RBM4B: variants seen among roughly 807,000 people sequenced by gnomAD.
RBM4B encodes the protein RNA-binding protein 4B.
Under a neutral mutation model 28.5 loss-of-function variants are expected in RBM4B, and 13 were observed. That is an observed-to-expected ratio of 0.46 (90% CI 0.30 to 0.72). The LOEUF (loss-of-function observed/expected upper bound fraction) is 0.72. RBM4B is among the 30% of genes least tolerant of loss of function. The pLI, the probability that RBM4B is intolerant of heterozygous loss-of-function variation, is 0.09. For synonymous variants in RBM4B, 167 were observed against 179.1 expected (o/e 0.93, Z 0.54); for missense variants, 387 against 477.6 (o/e 0.81, Z 1.77).
chr11:66,670,881 T>G, intron 2 of RBM4B: 2 of 702,262 alleles, frequency 2.8e-6, no homozygotes, highest in Non-Finnish European at 5.2e-6. Flanking sequence ...TCTTAAGGAC[T>G]GCTGAGAACA....
At position 66,665,456 on chromosome 11, in the gene RBM4B, G is replaced by C. The variant is rs1939190256; in HGVS notation, c.*132C>G. On this transcript the variant is annotated 3_prime_UTR_variant, in exon 4 of 4. Transcript: ENST00000310046. The stretch of plus-strand genomic sequence containing the variant: ...AAGAATTAAGAAAGAAAACATAGTT[G>C]GTCACAAACTCCTTTTGTTTACTGA... The C allele has an allele frequency of 1.3e-6, 1 of 751,490 alleles. No individual in the cohort carries two copies. The highest frequency in any genetic ancestry group is 1.8e-5 in the African/African-American group (1 of 57,132). 46.6% of individuals were successfully genotyped at this position (751,490 alleles called of 1,614,324 possible). A position where few individuals can be genotyped will look rare whatever the true frequency, so the allele number is the denominator to read the frequency against.
rs1473396220 is a variant in RBM4B at position 66,668,708 on chromosome 11, G to A, written c.996C>T (p.Ser332=). The change falls in exon 3 of 4, where the codon TCC becomes TCT. Residue 332 remains serine, a synonymous_variant. Transcript: ENST00000310046. ...CATACAGAGAATTCCGTGTAGCTGC[G>A]GAAGCCTGAGATAATTCACTCTCTG... ...YGPESELSQA[S]AATRNSLYDM... 19 of 1,614,010 alleles carry A rather than the reference G, an allele frequency of 1.2e-5. No individual in the cohort carries two copies. The highest frequency in any genetic ancestry group is 1.1e-4 in the African/African-American group (8 of 74,892).
At chr11:66,666,311 T>G in intron 3 of RBM4B, 17 of 1,062,942 alleles carry the variant, frequency 1.6e-5, no homozygotes, top group Non-Finnish European at 1.9e-5. Flanking sequence ...GGGCCAAATC[T>G]TGGTCTTGAT....
rs992350000 is a variant in RBM4B at position 66,665,030 on chromosome 11, A to T, written c.*558T>A. 3 of 152,396 alleles carry T rather than the reference A, an allele frequency of 2.0e-5. No individual in the cohort carries two copies. The highest frequency in any genetic ancestry group is 4.8e-5 in the African/African-American group (2 of 41,454). 9.4% of individuals were successfully genotyped at this position (152,396 alleles called of 1,614,324 possible). ...GTTAGAAACATTTATTTGTCAAAAA[A>T]TTTTTTTAAAAAAGGGAGGAGTGGA... On this transcript the variant is annotated 3_prime_UTR_variant, in exon 4 of 4. Transcript: ENST00000310046.
Position 66,665,292 on chromosome 11 carries a change from GA to G in RBM4B, c.*295del, listed in dbSNP as rs1939184746. 2.2e-6 allele frequency: 1 copy of G among 451,446 alleles called. No homozygotes were observed. The highest frequency in any genetic ancestry group is 3.9e-5 in the Admixed American group (1 of 25,648). The allele number at this position is 451,446 out of a possible 1,614,324, so 28.0% of individuals were successfully genotyped here. ...AGGATTCAACTCCTAGGGAAAGCAA[GA>G]TAAGAGGGGTTCCACTGCACAGGAA... On this transcript the variant is annotated 3_prime_UTR_variant, in exon 4 of 4. Coordinates refer to ENST00000310046, the MANE Select transcript of RBM4B (RefSeq NM_031492.4).
chr11:66,676,966 G>A lies in RBM4B; in HGVS notation c.114C>T (p.Gly38=). 1 of 1,614,150 alleles carries A rather than the reference G, an allele frequency of 6.2e-7. No individual in the cohort carries two copies. Among genetic ancestry groups the A allele is most frequent in the Non-Finnish European group, 8.5e-7 (1 of 1,180,036 alleles). ...CCGTCTTGTCTTCTATGTGCACAAA[G>A]CCGTAATTCTTAATGATGTCACATT... ...VLECDIIKNY[G]FVHIEDKTAA... Residue 38 remains glycine (G), a synonymous_variant, in exon 2 of 4, where the codon GGC becomes GGT. Transcript: ENST00000310046.
chr11:66,676,586 AG>A (rs1175632092), intron 2 of RBM4B, 81 bp downstream of exon 2: 1 of 1,474,662 alleles, frequency 6.8e-7, no homozygotes, highest in South Asian at 1.2e-5. Flanking sequence ...GAGACCACCC[AG>A]CAAGTTCTAT....
At chr11:66,674,287 G>GA (rs1223662659) in intron 2 of RBM4B, among the ~76,000 whole-genome samples, 2 of 145,234 alleles carry the variant, frequency 1.4e-5, no homozygotes, top group Non-Finnish European at 1.5e-5. Context: ...ACAGTGGCAT[G>GA]ATCTCGGCTC....
intron 3 of RBM4B, chr11:66,666,096 A>G: frequency 1.1e-6 from 1 of 872,134 alleles, no homozygotes; most frequent in Non-Finnish European, 1.7e-6. Context: ...ACCCAATTCC[A>G]ACACACCTAC....
At chr11:66,671,680 A>G (rs1939465883) in intron 2 of RBM4B, among the ~76,000 whole-genome samples, 1 of 152,162 alleles carries the variant, frequency 6.6e-6, no homozygotes, top group Non-Finnish European at 1.5e-5. Context: ...AATCAAGTTT[A>G]TCTGTGGTAA....
intron 3 of RBM4B, chr11:66,667,259 C>G (rs779751858): frequency 1.3e-5 from 2 of 152,198 alleles, no homozygotes; most frequent in Non-Finnish European, 2.9e-5. Flanking sequence ...TCTTTAGATA[C>G]TCAAAATTAT....
chr11:66,676,648 C>T lies in RBM4B; in HGVS notation c.412+20G>A, dbSNP rs771001827. The T allele has an allele frequency of 1.2e-6, 2 of 1,612,522 alleles. No individual in the cohort carries two copies. The highest frequency in any genetic ancestry group is 1.7e-6 in the Non-Finnish European group (2 of 1,178,744). ...GCTAGACCCCACTCGGCGCTACTAC[C>T]CAGGCCCAGAGCAGTTCACCTTGAA... On this transcript the variant is annotated intron_variant, in intron 2 of 3. Transcript: ENST00000310046.
chr11:66,665,869 T>C, intron 3 of RBM4B: 1 of 1,533,276 alleles, frequency 6.5e-7, no homozygotes, highest in Non-Finnish European at 8.7e-7. Context: ...AGATAACCCC[T>C]GTGACAGAAG....
intron 3 of RBM4B, chr11:66,665,779 CTA>C: frequency 3.0e-6 from 4 of 1,348,018 alleles, no homozygotes; most frequent in Non-Finnish European, 4.0e-6. Flanking sequence ...CCACTTATGG[CTA>C]TATATATAGG....
chr11:66,677,025 G>C lies in RBM4B; in HGVS notation c.55C>G (p.Arg19Gly), dbSNP rs1395429983. 1 of 1,613,974 alleles carries C rather than the reference G, an allele frequency of 6.2e-7. No individual in the cohort carries two copies. The highest frequency in any genetic ancestry group is 1.3e-5 in the African/African-American group (1 of 74,884). Residue 19 changes from arginine (R) to glycine (G), a missense_variant, in exon 2 of 4, where the codon CGC (arginine) becomes GGC (glycine). Arg to Gly is a moderately radical substitution (Grantham distance 125). Coordinates refer to ENST00000310046, the MANE Select transcript of RBM4B (RefSeq NM_031492.4). Reference protein sequence around the residue: ...LPREATEQEIRSLFEQYGKVL... With the variant: ...LPREATEQEIGSLFEQYGKVL... The stretch of plus-strand genomic sequence containing the variant: ...TTCCCATACTGCTCGAAGAGTGAGC[G>C]AATCTCCTGCTCTGTAGCCTCCCGG...
At chr11:66,668,520 G>A (rs1284691870) in intron 3 of RBM4B, 95 bp downstream of exon 3, 11 of 932,168 alleles carry the variant, frequency 1.2e-5, no homozygotes, top group African/African-American at 6.6e-5. Flanking sequence ...GATACTGTCC[G>A]GAGAGCACAG....
intron 2 of RBM4B, among the ~76,000 whole-genome samples, chr11:66,672,513 G>T (rs1409580320): frequency 6.6e-6 from 1 of 150,678 alleles, no homozygotes; most frequent in Non-Finnish European, 1.5e-5. Flanking sequence ...TTTGGGGGGG[G>T]GGGACAGATT....
chr11:66,677,596 A>C (rs1230446646), intron 1 of RBM4B, 168 bp downstream of exon 1: 3 of 153,304 alleles, frequency 2.0e-5, no homozygotes, highest in Non-Finnish European at 4.3e-5. Context: ...ACTCGACCCG[A>C]CCCCTGCCCC....
intron 2 of RBM4B, among the ~76,000 whole-genome samples, chr11:66,674,572 T>C (rs1420220866): frequency 6.6e-6 from 1 of 151,060 alleles, no homozygotes; most frequent in African/African-American, 2.4e-5. Flanking sequence ...TATATGGTTT[T>C]TTTTTTTTCT....
Sources: gnomAD v4.1 joint callset for allele counts (sites outside exome capture counted in the v4.1 genomes callset) on GRCh38, gnomAD v4.1.1 for gene constraint, MANE v1.5 for transcripts, NCBI Gene and HGNC (gene_info 2026-07-23, HGNC 2026-07-21) for gene names.